Variants in TENM1 observed in about 807,000 individuals in gnomAD.
The protein encoded by TENM1 is teneurin transmembrane protein 1, also known as teneurin-1.
In TENM1, 35 loss-of-function variants were observed where a neutral mutation model predicts 174.8. The ratio of observed to expected loss-of-function variants is 0.20; its 90% CI spans 0.15 to 0.27. The LOEUF (loss-of-function observed/expected upper bound fraction) is 0.27. Ranked by LOEUF, TENM1 falls within the 10% of genes least tolerant of loss-of-function variation. The pLI is 1.00. For synonymous variants in TENM1, 781 were observed against 798.7 expected, an observed-to-expected ratio of 0.98 and a Z score of 0.37; for missense variants, 1,633 against 2,130.1, an observed-to-expected ratio of 0.77 and a Z score of 4.59.
intron 1 of TENM1, among the ~76,000 whole-genome samples, chrX:124,916,218 G>C (rs1175677538): frequency 8.9e-6 from 1 of 111,887 alleles, no homozygotes; most frequent in Non-Finnish European, 1.9e-5. Context: ...AATTATAATT[G>C]TTTAAGGGGT....
the TENM1 span, among the ~76,000 whole-genome samples, chrX:125,123,797 CAATTT>C: frequency 0.012 from 1,337 of 112,482 alleles, 20 homozygotes; most frequent in African/African-American, 0.041. Context: ...TTGTATAAAA[CAATTT>C]AACAAACAAA....
intron 20 of TENM1, among the ~76,000 whole-genome samples, chrX:124,496,029 T>C (rs2047193636): frequency 9.7e-6 from 1 of 102,841 alleles, no homozygotes; most frequent in African/African-American, 3.8e-5. Flanking sequence ...GAGATATAGA[T>C]CAATGGAACA....
At chrX:124,897,087 TAA>T (rs2057575194) in intron 1 of TENM1, among the ~76,000 whole-genome samples, 2 of 111,751 alleles carry the variant, frequency 1.8e-5, no homozygotes, top group South Asian at 7.4e-4. Flanking sequence ...CCCTTTTTCC[TAA>T]AACACCCATG....
chrX:124,503,970 A>G (rs1218342331), intron 18 of TENM1, among the ~76,000 whole-genome samples: 1 of 111,813 alleles, frequency 8.9e-6, no homozygotes, highest in African/African-American at 3.2e-5. Context: ...ATGTTTATGG[A>G]CATTAGGCTT....
intron 3 of TENM1, among the ~76,000 whole-genome samples, chrX:124,857,723 T>G (rs1442764430): frequency 9.1e-6 from 1 of 109,760 alleles, no homozygotes; most frequent in Non-Finnish European, 1.9e-5. Context: ...TTTAAATGAG[T>G]GAATTGTATG....
the TENM1 span, among the ~76,000 whole-genome samples, chrX:125,106,644 C>T: frequency 9.0e-6 from 1 of 111,570 alleles, no homozygotes; most frequent in East Asian, 2.8e-4. Flanking sequence ...CTCCTGACCT[C>T]GTGATCCACC....
At chrX:125,059,905 T>G in the TENM1 span, among the ~76,000 whole-genome samples, 1 of 110,382 alleles carries the variant, frequency 9.1e-6, no homozygotes, top group Non-Finnish European at 1.9e-5. Flanking sequence ...TTTTTAGATA[T>G]GATTAACATT....
At chrX:124,736,730 C>G (rs915891168) in intron 4 of TENM1, among the ~76,000 whole-genome samples, 2 of 111,820 alleles carry the variant, frequency 1.8e-5, no homozygotes, top group African/African-American at 6.5e-5. Flanking sequence ...CATCTTTTCA[C>G]GTGTATCTGC....
At chrX:124,857,603 T>C (rs2056837808) in intron 3 of TENM1, among the ~76,000 whole-genome samples, 1 of 111,685 alleles carries the variant, frequency 9.0e-6, no homozygotes, top group African/African-American at 3.2e-5. Context: ...AGTAGGAAGA[T>C]GACAGCTGAG....
chrX:124,446,494 T>C (rs893116546), intron 23 of TENM1, among the ~76,000 whole-genome samples: 1 of 112,477 alleles, frequency 8.9e-6, no homozygotes, highest in African/African-American at 3.2e-5. Flanking sequence ...CTGCTAAAGA[T>C]TAGGACAAGC....
chrX:124,654,382 G>A (rs752135642), intron 6 of TENM1, among the ~76,000 whole-genome samples: 93 of 112,251 alleles, frequency 8.3e-4, no homozygotes, highest in African/African-American at 2.7e-3. Context: ...TGTTTTATTC[G>A]TCGGTATATT....
At chrX:124,481,843 ACAGATC>A in exon 22 of TENM1, 1 of 1,206,137 alleles carries the variant, frequency 8.3e-7, no homozygotes, top group Non-Finnish European at 1.1e-6. Flanking sequence ...AAATTCTTGG[ACAGATC>A]TTTCGTCTCC....
At chrX:124,669,875 G>A (rs750393837) in intron 6 of TENM1, among the ~76,000 whole-genome samples, 1 of 112,065 alleles carries the variant, frequency 8.9e-6, no homozygotes, top group East Asian at 2.8e-4. Flanking sequence ...AATAGACTCT[G>A]GGACTTTGCT....
chrX:124,401,801 G>A (rs7060927), intron 27 of TENM1, among the ~76,000 whole-genome samples: 18,237 of 111,221 alleles, frequency 0.16, 1,107 homozygotes, highest in Middle Eastern at 0.22. Context: ...TAGGGAGATC[G>A]GGTAAAAATT....
At chrX:124,825,158 CTTTTTTTTTTT>C (rs745471230) in intron 3 of TENM1, among the ~76,000 whole-genome samples, 33 of 60,995 alleles carry the variant, frequency 5.4e-4, no homozygotes, top group Non-Finnish European at 4.3e-4. Flanking sequence ...AGCTGACTTT[CTTTTTTTTTTT>C]TTTTTTTTTT....
chrX:125,201,041 A>C, the TENM1 span, among the ~76,000 whole-genome samples: 1 of 112,348 alleles, frequency 8.9e-6, no homozygotes, highest in South Asian at 3.6e-4. Flanking sequence ...GCTGTCACAG[A>C]AAATAAATTT....
intron 3 of TENM1, among the ~76,000 whole-genome samples, chrX:124,759,500 C>T (rs1046884766): frequency 9.0e-6 from 1 of 110,911 alleles, no homozygotes; most frequent in African/African-American, 3.3e-5. Flanking sequence ...TCCCCAAAGT[C>T]CACTGTATCA....
the TENM1 span, among the ~76,000 whole-genome samples, chrX:125,102,495 A>T: frequency 8.9e-6 from 1 of 111,807 alleles, no homozygotes; most frequent in Non-Finnish European, 1.9e-5. Context: ...GTGGAAAGAC[A>T]AGTGCTATTT....
chrX:124,749,302 T>C (rs754775381), intron 3 of TENM1, among the ~76,000 whole-genome samples: 1 of 111,817 alleles, frequency 8.9e-6, no homozygotes, highest in Non-Finnish European at 1.9e-5. Context: ...TGTGTTCACT[T>C]GCATTTTCCT....
Sources: allele counts gnomAD v4.1 joint callset (sites outside exome capture counted in the v4.1 genomes callset), GRCh38; gene constraint gnomAD v4.1.1; transcripts MANE v1.5; gene names NCBI Gene and HGNC (gene_info 2026-07-23, HGNC 2026-07-21).